CADM2: variants seen among roughly 807,000 people sequenced by gnomAD.
CADM2 encodes the protein cell adhesion molecule 2, also known as immunoglobulin superfamily member 4D.
CADM2 carries 12 observed loss-of-function variants against 49.8 expected under a neutral mutation model. The observed-to-expected ratio is 0.24, with a 90% CI of 0.15 to 0.39. The LOEUF (loss-of-function observed/expected upper bound fraction) is 0.39. Ranked by LOEUF, CADM2 falls within the 10% of genes least tolerant of loss-of-function variation. The pLI, the probability that CADM2 is intolerant of heterozygous loss-of-function variation, is 1.00. For missense variants in CADM2, 378 were observed against 492.3 expected (o/e 0.77, Z 2.20); for synonymous variants, 214 against 175.4 (o/e 1.22, Z -1.74).
At chr3:85,179,038 C>T (rs1233164489) in intron 1 of CADM2, among the ~76,000 whole-genome samples, 3 of 151,860 alleles carry the variant, frequency 2.0e-5, no homozygotes, top group African/African-American at 7.2e-5. Context: ...ATGAAACCAA[C>T]ATGATTATAA....
intron 1 of CADM2, among the ~76,000 whole-genome samples, chr3:85,584,886 A>C (rs1237096248): frequency 6.6e-6 from 1 of 152,064 alleles, no homozygotes; most frequent in Non-Finnish European, 1.5e-5. Context: ...GGAACTGATA[A>C]AGATTTTATC....
At chr3:85,659,220 A>G (rs893231586) in intron 1 of CADM2, among the ~76,000 whole-genome samples, 33 of 151,842 alleles carry the variant, frequency 2.2e-4, no homozygotes, top group African/African-American at 8.0e-4. Flanking sequence ...TCGTAACTGC[A>G]TTTATTGAAA....
intron 1 of CADM2, among the ~76,000 whole-genome samples, chr3:85,662,193 C>G (rs192006616): frequency 8.3e-5 from 12 of 144,998 alleles, no homozygotes; most frequent in Admixed American, 5.5e-4. Flanking sequence ...TAAACAATTA[C>G]TTTTTCTTTT....
chr3:85,930,909 T>G (rs1166620974), intron 6 of CADM2, among the ~76,000 whole-genome samples: 1 of 149,392 alleles, frequency 6.7e-6, no homozygotes, highest in Non-Finnish European at 1.5e-5. Context: ...AATTAATATA[T>G]TAATAATTAT....
intron 2 of CADM2, among the ~76,000 whole-genome samples, chr3:85,751,857 A>G (rs1205536409): frequency 6.6e-6 from 1 of 152,194 alleles, no homozygotes; most frequent in Non-Finnish European, 1.5e-5. Flanking sequence ...TATAAATATC[A>G]GAACTATCAC....
intron 1 of CADM2, among the ~76,000 whole-genome samples, chr3:85,564,814 T>G (rs2062206681): frequency 6.6e-6 from 1 of 152,090 alleles, no homozygotes; most frequent in Admixed American, 6.6e-5. Context: ...AAATGAAAAC[T>G]ATCTTAGGAT....
chr3:85,668,295 CAA>C (rs11447925), intron 1 of CADM2, among the ~76,000 whole-genome samples: 20,780 of 81,644 alleles, frequency 0.25, 1,491 homozygotes, highest in East Asian at 0.42. Flanking sequence ...AGTACCAAAG[CAA>C]AAAAAAAAAA....
intron 3 of CADM2, among the ~76,000 whole-genome samples, chr3:85,849,091 A>G (rs549712443): frequency 2.0e-5 from 3 of 152,212 alleles, no homozygotes; most frequent in Non-Finnish European, 2.9e-5. Context: ...TGCTTCCTAC[A>G]GACAGTTCCA....
chr3:85,306,998 A>G (rs2107022888), intron 1 of CADM2, among the ~76,000 whole-genome samples: 1 of 151,770 alleles, frequency 6.6e-6, no homozygotes, highest in East Asian at 1.9e-4. Context: ...ATCCCCATAG[A>G]AACGTTGACC....
chr3:85,568,456 T>TC lies in CADM2; in HGVS notation c.62-158066_62-158065insC, dbSNP rs1559915942. On this transcript the variant is annotated intron_variant, in intron 1 of 9. Coordinates refer to ENST00000383699, the MANE Select transcript of CADM2 (RefSeq NM_001167675.2). ...CTTTCTTTCTTTCTTTCTTTCTTTC[T>TC]TTCTTTCTCTTTCTCTCTCTTTCTT... is the stretch of plus-strand genomic sequence containing the variant. Among the ~76,000 whole-genome samples the TC allele has an allele frequency of 2.5e-3, 97 of 38,288 alleles. 4 individuals carry two copies. The highest frequency in any genetic ancestry group is 5.8e-3 in the African/African-American group (56 of 9,666). The allele number at this position is 38,288 out of a possible 152,430, so 25.1% of individuals were successfully genotyped here. A position where few individuals can be genotyped will look rare whatever the true frequency, so the allele number is the denominator to read the frequency against.
intron 1 of CADM2, among the ~76,000 whole-genome samples, chr3:85,456,685 G>A (rs2038006257): frequency 6.6e-6 from 1 of 151,910 alleles, no homozygotes; most frequent in African/African-American, 2.4e-5. Context: ...ATCAATTTCA[G>A]ATGACACCCT....
At chr3:85,807,889 GA>G (rs2072553247) in intron 3 of CADM2, among the ~76,000 whole-genome samples, 1 of 151,870 alleles carries the variant, frequency 6.6e-6, no homozygotes, top group Admixed American at 6.6e-5. Flanking sequence ...TTCAATAAAT[GA>G]TTTTTTTTTA....
At chr3:85,502,569 A>C (rs1010058674) in intron 1 of CADM2, among the ~76,000 whole-genome samples, 10 of 152,282 alleles carry the variant, frequency 6.6e-5, no homozygotes, top group Non-Finnish European at 1.2e-4. Flanking sequence ...AGGGCTTTTA[A>C]ACATGTCCAA....
In CADM2 at chr3:85,274,063, T is replaced by TCAAATAGGAGAAACACTGAGAATTG. The variant is rs1301804256; in HGVS notation, c.61+314405_61+314429dup. Among the ~76,000 whole-genome samples the TCAAATAGGAGAAACACTGAGAATTG allele has an allele frequency of 4.4e-4, 67 of 151,458 alleles. No homozygotes were observed. The East Asian group carries it at 7.6e-3, about 17-fold the overall frequency. On this transcript the variant is annotated intron_variant, in intron 1 of 9. Transcript: ENST00000383699. ...AACTGGATCAAATGCTGTTGCTAGA[T>TCAAATAGGAGAAACACTGAGAATTG]CAAATAGGAGAAACACTGAGAATTG... is the stretch of plus-strand genomic sequence containing the variant.
intron 1 of CADM2, among the ~76,000 whole-genome samples, chr3:85,342,383 G>A (rs1355084713): frequency 6.6e-6 from 1 of 151,670 alleles, no homozygotes; most frequent in East Asian, 1.9e-4. Flanking sequence ...CTAAAAATAT[G>A]GAATTATATA....
intron 1 of CADM2, among the ~76,000 whole-genome samples, chr3:84,990,944 T>G (rs1418705661): frequency 6.6e-6 from 1 of 152,116 alleles, no homozygotes; most frequent in Non-Finnish European, 1.5e-5. Flanking sequence ...GTAAAATAAT[T>G]TATAGACCTG....
At chr3:86,006,522 T>C (rs1730811077) in intron 8 of CADM2, among the ~76,000 whole-genome samples, 1 of 152,186 alleles carries the variant, frequency 6.6e-6, no homozygotes, top group African/African-American at 2.4e-5. Context: ...GAAAAGAAGA[T>C]GAGACTTTGA....
chr3:85,246,358 A>C (rs2042645525), intron 1 of CADM2, among the ~76,000 whole-genome samples: 1 of 152,024 alleles, frequency 6.6e-6, no homozygotes, highest in South Asian at 2.1e-4. Flanking sequence ...TGAGGAGTTA[A>C]TGGGTGCAGC....
chr3:85,585,556 A>C (rs1252115968), intron 1 of CADM2, among the ~76,000 whole-genome samples: 1 of 152,002 alleles, frequency 6.6e-6, no homozygotes, highest in African/African-American at 2.4e-5. Context: ...GTATAAAAAA[A>C]CATAGTATAT....
Sources: allele counts gnomAD v4.1 joint callset (sites outside exome capture counted in the v4.1 genomes callset), GRCh38; gene constraint gnomAD v4.1.1; transcripts MANE v1.5; gene names NCBI Gene and HGNC (gene_info 2026-07-23, HGNC 2026-07-21).